RGS8: variants seen among roughly 807,000 people sequenced by gnomAD.
The protein encoded by RGS8 is regulator of G-protein signaling 8.
RGS8 carries 8 observed loss-of-function variants against 21.7 expected under a neutral mutation model. The observed-to-expected ratio is 0.37, with a 90% confidence interval of 0.22 to 0.66. The LOEUF (loss-of-function observed/expected upper bound fraction) is 0.66, where lower values mean the gene tolerates loss of function less well. Ranked by LOEUF, RGS8 falls within the 30% of genes least tolerant of loss-of-function variation. RGS8 has a pLI of 0.59. For synonymous variants in RGS8, 80 were observed against 83.6 expected (o/e 0.96, Z 0.24); for missense variants, 157 against 217.9 (o/e 0.72, Z 1.76).
the RGS8 span, among the ~76,000 whole-genome samples, chr1:182,715,565 G>A: frequency 6.6e-6 from 1 of 152,202 alleles, no homozygotes; most frequent in Non-Finnish European, 1.5e-5. Context: ...GCATCACCCA[G>A]ATTGTGGGGC....
chr1:182,737,545 C>T, the RGS8 span, among the ~76,000 whole-genome samples: 1 of 152,116 alleles, frequency 6.6e-6, no homozygotes, highest in Non-Finnish European at 1.5e-5. Flanking sequence ...AGGGCAGTTC[C>T]CCTCCACACA....
At chr1:182,648,419 G>A in intron 5 of RGS8, 116 bp from the exon 7 acceptor site, 1 of 1,025,808 alleles carries the variant, frequency 9.7e-7, no homozygotes, top group Non-Finnish European at 1.4e-6. Context: ...CAAGCTCACT[G>A]CTCCTCCACA....
chr1:182,668,553 G>T (rs188051188), intron 3 of RGS8, among the ~76,000 whole-genome samples: 4 of 152,236 alleles, frequency 2.6e-5, no homozygotes, highest in Admixed American at 6.5e-5. Context: ...TATTTGGCAG[G>T]GATGGACAGC....
chr1:182,733,727 C>G, the RGS8 span: 5 of 151,722 alleles, frequency 3.3e-5, no homozygotes, highest in African/African-American at 1.2e-4. Context: ...ACAGGCAGAC[C>G]CAATTCCATC....
At chr1:182,720,900 T>C in the RGS8 span, among the ~76,000 whole-genome samples, 41 of 40,584 alleles carry the variant, frequency 1.0e-3, 1 homozygote, top group African/African-American at 2.7e-3. Flanking sequence ...CACATATATA[T>C]ACATATGTGT....
At chr1:182,647,127 T>C (rs944028050) in intron 6 of RGS8, among the ~76,000 whole-genome samples, 15 of 152,358 alleles carry the variant, frequency 9.8e-5, no homozygotes, top group South Asian at 6.2e-4. Flanking sequence ...TCCCAATTTA[T>C]AGACAACAAT....
At chr1:182,666,786 G>T in intron 4 of RGS8, 86 bp downstream of exon 5, 1 of 945,114 alleles carries the variant, frequency 1.1e-6, no homozygotes. Flanking sequence ...TTTTCCAGTG[G>T]CTCATCTGGT....
the RGS8 span, among the ~76,000 whole-genome samples, chr1:182,717,614 C>T: frequency 6.6e-6 from 1 of 152,216 alleles, no homozygotes. Context: ...GTGTCCCTAT[C>T]TGAAAGAGTG....
chr1:182,666,286 CTAAG>C (rs1187541499), intron 4 of RGS8, among the ~76,000 whole-genome samples: 1 of 152,056 alleles, frequency 6.6e-6, no homozygotes, highest in Non-Finnish European at 1.5e-5. Flanking sequence ...AAGAACAAAG[CTAAG>C]TAAGTACATG....
the RGS8 span, among the ~76,000 whole-genome samples, chr1:182,708,881 G>A: frequency 7.3e-4 from 111 of 152,322 alleles, 1 homozygote; most frequent in African/African-American, 2.1e-3. Context: ...ACATCTGGTC[G>A]CTGATGCACT....
chr1:182,672,839 C>T, upstream of RGS8: 2 of 1,614,156 alleles, frequency 1.2e-6, no homozygotes, highest in Non-Finnish European at 1.7e-6. Flanking sequence ...CTTCACACTG[C>T]CTGCTTCAGT....
At chr1:182,728,201 A>G in the RGS8 span, among the ~76,000 whole-genome samples, 1 of 152,238 alleles carries the variant, frequency 6.6e-6, no homozygotes, top group African/African-American at 2.4e-5. Flanking sequence ...ACTAAACCTG[A>G]ACCAAAGCTG....
the RGS8 span, among the ~76,000 whole-genome samples, chr1:182,716,815 C>T: frequency 2.6e-5 from 4 of 152,156 alleles, no homozygotes; most frequent in Non-Finnish European, 4.4e-5. Flanking sequence ...AGGTCAAATA[C>T]AAATGCCACC....
At chr1:182,702,869 G>T in the RGS8 span, among the ~76,000 whole-genome samples, 1 of 152,188 alleles carries the variant, frequency 6.6e-6, no homozygotes, top group Non-Finnish European at 1.5e-5. Context: ...CCTACCATAT[G>T]TACATTCACA....
At chr1:182,742,423 C>G in the RGS8 span, among the ~76,000 whole-genome samples, 3 of 152,052 alleles carry the variant, frequency 2.0e-5, no homozygotes, top group Admixed American at 6.5e-5. Context: ...GCCGAGATCA[C>G]GCCACTGCAC....
At chr1:182,747,895 A>AT in the RGS8 span, among the ~76,000 whole-genome samples, 4 of 150,332 alleles carry the variant, frequency 2.7e-5, no homozygotes, top group Admixed American at 2.7e-4. Context: ...TCAGAGCTCC[A>AT]TCATTTTCTT....
At chr1:182,674,357 T>A (rs991032119), upstream of RGS8, among the ~76,000 whole-genome samples, 1 of 152,088 alleles carries the variant, frequency 6.6e-6, no homozygotes, top group African/African-American at 2.4e-5. Context: ...AAAAGAGCTA[T>A]AGTAAACAAG....
chr1:182,662,411 A>C (rs1174435871), intron 5 of RGS8, among the ~76,000 whole-genome samples: 1 of 152,050 alleles, frequency 6.6e-6, no homozygotes, highest in Non-Finnish European at 1.5e-5. Flanking sequence ...ACCTCCTCCT[A>C]CTCCAGATGC....
At chr1:182,682,602 G>A (rs1404710748) in intron 1 of RGS8, among the ~76,000 whole-genome samples, 1 of 152,130 alleles carries the variant, frequency 6.6e-6, no homozygotes, top group Non-Finnish European at 1.5e-5. Context: ...AAGCTCCTTT[G>A]AAAGTGAGCC....
Sources: allele counts gnomAD v4.1 joint callset (sites outside exome capture counted in the v4.1 genomes callset), GRCh38; gene constraint gnomAD v4.1.1; transcripts MANE v1.5; gene names NCBI Gene and HGNC (gene_info 2026-07-23, HGNC 2026-07-21).